NR3C2: variants seen among roughly 807,000 people sequenced by gnomAD.
NR3C2 encodes the protein mineralocorticoid receptor.
In NR3C2, 15 loss-of-function variants were observed where a neutral mutation model predicts 86.4. The ratio of observed to expected loss-of-function variants is 0.17; its 90% CI spans 0.12 to 0.27. The LOEUF is 0.27. NR3C2 is among the 10% of genes least tolerant of loss of function. The probability of loss-of-function intolerance (pLI) is 1.00; values close to 1 mark genes in which losing one functional copy is unlikely to be tolerated. For synonymous variants in NR3C2, 458 were observed against 450.5 expected (o/e 1.02, Z -0.21); for missense variants, 960 against 1,195.6 (o/e 0.80, Z 2.91).
chr4:148,098,368 T>A (rs1731385029), intron 8 of NR3C2, among the ~76,000 whole-genome samples: 1 of 152,172 alleles, frequency 6.6e-6, no homozygotes, highest in Admixed American at 6.5e-5. Flanking sequence ...ATTTTCTCCA[T>A]AAGCCACGTC....
chr4:148,176,888 A>G (rs1560961212), intron 4 of NR3C2, among the ~76,000 whole-genome samples: 1 of 152,250 alleles, frequency 6.6e-6, no homozygotes, highest in Non-Finnish European at 1.5e-5. Flanking sequence ...TGATAACAAT[A>G]TACGCTTATT....
At chr4:148,419,100 T>TC (rs1335878445) in intron 2 of NR3C2, among the ~76,000 whole-genome samples, 2 of 151,978 alleles carry the variant, frequency 1.3e-5, no homozygotes, top group Non-Finnish European at 2.9e-5. Flanking sequence ...TTTTCCTTTT[T>TC]TTTTTTCTTT....
chr4:148,259,853 T>C (rs190500496), intron 3 of NR3C2, 125 bp downstream of exon 3: 71 of 1,259,888 alleles, frequency 5.6e-5, no homozygotes, highest in Non-Finnish European at 7.5e-5. Flanking sequence ...TATTACTGTT[T>C]ATCACTGACA....
At chr4:148,308,346 T>A (rs985770772) in intron 2 of NR3C2, among the ~76,000 whole-genome samples, 2 of 152,114 alleles carry the variant, frequency 1.3e-5, no homozygotes, top group Non-Finnish European at 1.5e-5. Flanking sequence ...ATTCTAGCAA[T>A]ATGGTAGGAA....
Position 148,128,568 on chromosome 4 carries a change from C to G in NR3C2, c.2511-8280G>C, listed in dbSNP as rs186921247. Among the ~76,000 whole-genome samples the G allele has an allele frequency of 3.3e-5, 5 of 152,316 alleles. No homozygotes were observed. The East Asian group carries it at 9.7e-4, about 29-fold the overall frequency. ...CCATCCACCACAGTGAGAACACAAG[C>G]AAGGCTCTTCCATCTTCCACTGTCT... On this transcript the variant is annotated intron_variant, in intron 6 of 8. Coordinates refer to ENST00000358102, the MANE Select transcript of NR3C2 (RefSeq NM_000901.5).
intron 2 of NR3C2, among the ~76,000 whole-genome samples, chr4:148,275,508 G>A (rs1450994238): frequency 1.3e-5 from 2 of 151,260 alleles, no homozygotes; most frequent in East Asian, 1.9e-4. Context: ...ACGGCTTACT[G>A]CAATCTCCAC....
At chr4:148,144,851 C>T (rs1404262713) in intron 6 of NR3C2, among the ~76,000 whole-genome samples, 1 of 152,204 alleles carries the variant, frequency 6.6e-6, no homozygotes, top group African/African-American at 2.4e-5. Flanking sequence ...TATGACGTTG[C>T]TTTTCTTTAT....
At chr4:148,172,968 T>C (rs1735202530) in intron 4 of NR3C2, among the ~76,000 whole-genome samples, 4 of 152,328 alleles carry the variant, frequency 2.6e-5, no homozygotes, top group South Asian at 4.1e-4. Flanking sequence ...TTCCCCACTG[T>C]GTAAAGGTTG....
intron 3 of NR3C2, among the ~76,000 whole-genome samples, chr4:148,213,692 T>A (rs985830875): frequency 9.2e-5 from 14 of 152,174 alleles, no homozygotes; most frequent in African/African-American, 3.4e-4. Context: ...TGAATTCTGA[T>A]TAAAGTTAAA....
chr4:148,424,710 G>GA (rs199511090), intron 2 of NR3C2, among the ~76,000 whole-genome samples: 263 of 139,228 alleles, frequency 1.9e-3, no homozygotes, highest in Admixed American at 2.0e-3. Flanking sequence ...AGACAACATA[G>GA]AAAAAAAAAA....
intron 2 of NR3C2, among the ~76,000 whole-genome samples, chr4:148,382,909 T>A (rs1023327661): frequency 4.6e-5 from 7 of 152,108 alleles, no homozygotes; most frequent in African/African-American, 1.7e-4. Flanking sequence ...TTCTCTGCAA[T>A]AAAAAATAGA....
Position 148,088,991 on chromosome 4 carries a change from C to T in NR3C2, c.2800-7492G>A, listed in dbSNP as rs186804597. 9.9e-5 allele frequency among the ~76,000 whole-genome samples: 15 copies of T among 152,266 alleles called. No individual in the cohort carries two copies. The East Asian group carries it at 1.7e-3, about 18-fold the overall frequency. On this transcript the variant is annotated intron_variant, in intron 8 of 8. Transcript: ENST00000358102. ...TTTTTGGTCATTTCCAAGTGTATTA[C>T]AGCTGGCAATATGAATGTCACCTGC...
upstream of NR3C2, chr4:148,443,967 T>G (rs578181841): frequency 2.7e-5 from 27 of 983,148 alleles, no homozygotes; most frequent in African/African-American, 4.7e-4. Flanking sequence ...CCCCAGACTC[T>G]AATGCCCCTC....
chr4:148,402,950 T>C (rs1579256661), intron 2 of NR3C2, among the ~76,000 whole-genome samples: 2 of 152,078 alleles, frequency 1.3e-5, no homozygotes, highest in African/African-American at 4.8e-5. Context: ...TGAGGGTGTC[T>C]TTTTTTGTAA....
At chr4:148,321,150 A>T (rs879348972) in intron 2 of NR3C2, among the ~76,000 whole-genome samples, 8,657 of 139,334 alleles carry the variant, frequency 0.062, 451 homozygotes, top group African/African-American at 0.12. Context: ...GTAGTCATTC[A>T]GGAGCAGGTT....
At chr4:148,337,446 TAGA>T in intron 2 of NR3C2, among the ~76,000 whole-genome samples, 1 of 152,344 alleles carries the variant, frequency 6.6e-6, no homozygotes, top group Admixed American at 6.5e-5. Context: ...ACTTCTGACA[TAGA>T]AGTTACAGTT....
chr4:148,378,414 T>G (rs945766202), intron 2 of NR3C2, among the ~76,000 whole-genome samples: 18 of 151,936 alleles, frequency 1.2e-4, no homozygotes, highest in African/African-American at 4.4e-4. Context: ...CTGCACTGAA[T>G]TGGTTTGGAT....
At chr4:148,284,236 C>A (rs948129271) in intron 2 of NR3C2, among the ~76,000 whole-genome samples, 1 of 152,082 alleles carries the variant, frequency 6.6e-6, no homozygotes, top group African/African-American at 2.4e-5. Context: ...AATGCTCCCC[C>A]CTCTTGCTGG....
At chr4:148,293,270 C>T (rs977156707) in intron 2 of NR3C2, among the ~76,000 whole-genome samples, 1 of 152,138 alleles carries the variant, frequency 6.6e-6, no homozygotes, top group African/African-American at 2.4e-5. Context: ...ACCATTCATT[C>T]AGAAGATGAA....
Sources: allele counts gnomAD v4.1 joint callset (sites outside exome capture counted in the v4.1 genomes callset), GRCh38; gene constraint gnomAD v4.1.1; transcripts MANE v1.5; gene names NCBI Gene and HGNC (gene_info 2026-07-23, HGNC 2026-07-21).